Variants in CCDC171 observed in about 807,000 individuals in gnomAD.
The protein encoded by CCDC171 is coiled-coil domain containing 171, also known as coiled-coil domain-containing protein 171.
A neutral mutation model predicts 168.2 loss-of-function variants in CCDC171; 177 were observed. The ratio of observed to expected loss-of-function variants is 1.05; its 90% CI spans 0.93 to 1.19. The LOEUF (loss-of-function observed/expected upper bound fraction) is 1.19, where lower values mean the gene tolerates loss of function less well. Among genes scored for constraint, CCDC171 ranks in the 50% most tolerant of loss-of-function variants. The pLI is 0.00. For missense variants in CCDC171, 1,991 were observed against 1,539.0 expected (o/e 1.29, Z -4.91); for synonymous variants, 687 against 540.8 (o/e 1.27, Z -3.75).
At chr9:16,100,568 A>C in the CCDC171 span, among the ~76,000 whole-genome samples, 1 of 152,184 alleles carries the variant, frequency 6.6e-6, no homozygotes, top group Non-Finnish European at 1.5e-5. Context: ...AGGCCACTTG[A>C]GTGTCCAAAT....
chr9:15,803,995 A>T (rs143880715), intron 21 of CCDC171, among the ~76,000 whole-genome samples: 2 of 151,950 alleles, frequency 1.3e-5, no homozygotes, highest in African/African-American at 4.8e-5. Flanking sequence ...TTTTGTGGCA[A>T]TTGTGAATGG....
chr9:15,777,646 G>T lies in CCDC171; in HGVS notation c.2718G>T (p.Lys906Asn), dbSNP rs2057401268. Reference sequence around the variant, plus strand: ...GACATTTACTCATAGGTGCAGCCAAGAATTCTTTTGCAAAACTCATGGATA... The same window carrying T: ...GACATTTACTCATAGGTGCAGCCAATAATTCTTTTGCAAAACTCATGGATA... ...ICGHLLIGAA[K>N]NSFAKLMDKI... is the part of the protein sequence containing the mutation. Residue 906 changes from lysine to asparagine, a missense_variant, in exon 19 of 26, where the codon AAG (lysine) becomes AAT (asparagine). Lys to Asn is a moderately conservative substitution (Grantham distance 94, BLOSUM62 0). Transcript: ENST00000380701. 2.5e-6 allele frequency: 4 copies of T among 1,613,736 alleles called. No individual in the cohort carries two copies. In the Admixed American group the frequency reaches 5.0e-5, roughly 20 times the overall value.
At chr9:16,062,515 A>G (rs1483004860), downstream of CCDC171, among the ~76,000 whole-genome samples, 2 of 152,196 alleles carry the variant, frequency 1.3e-5, no homozygotes, top group Non-Finnish European at 2.9e-5. Context: ...CAATTTACCC[A>G]TCGAACAAAC....
chr9:15,612,932 T>C (rs139634915), intron 6 of CCDC171, among the ~76,000 whole-genome samples: 1 of 152,316 alleles, frequency 6.6e-6, no homozygotes, highest in East Asian at 1.9e-4. Flanking sequence ...GACAGGATGG[T>C]AGATACTCAA....
chr9:15,919,527 A>G (rs536444882), intron 24 of CCDC171, among the ~76,000 whole-genome samples: 77 of 151,688 alleles, frequency 5.1e-4, no homozygotes, highest in African/African-American at 1.7e-3. Context: ...GCTATATTTG[A>G]GTTATTTTGA....
intron 21 of CCDC171, among the ~76,000 whole-genome samples, chr9:15,807,031 A>C (rs1001284894): frequency 2.0e-5 from 3 of 152,120 alleles, no homozygotes; most frequent in African/African-American, 4.8e-5. Flanking sequence ...TTGTCATTGC[A>C]TTGTGAAATT....
chr9:15,553,067 G>C lies in CCDC171; in HGVS notation c.-347G>C, dbSNP rs932672461. On this transcript the variant is annotated 5_prime_UTR_variant, in exon 1 of 26. Coordinates refer to ENST00000380701, the MANE Select transcript of CCDC171 (RefSeq NM_173550.4). ...TGAAAGTCTGGGAAGGTCTGCGAGA[G>C]AAGCGGAGTGTTTTCAGCTCCGGAA... 6.6e-6 allele frequency: 1 copy of C among 152,514 alleles called. No homozygotes were observed. Among genetic ancestry groups the C allele is most frequent in the Non-Finnish European group, 1.5e-5 (1 of 68,258 alleles). 9.4% of individuals were successfully genotyped at this position (152,514 alleles called of 1,614,324 possible).
intron 8 of CCDC171, among the ~76,000 whole-genome samples, chr9:15,661,887 A>T (rs2048349556): frequency 6.6e-6 from 1 of 152,246 alleles, no homozygotes; most frequent in Non-Finnish European, 1.5e-5. Flanking sequence ...TTGGATTTAG[A>T]CAAAATAACA....
At chr9:15,955,601 C>A (rs1234024743) in intron 25 of CCDC171, among the ~76,000 whole-genome samples, 3 of 152,092 alleles carry the variant, frequency 2.0e-5, no homozygotes, top group Middle Eastern at 3.2e-3. Context: ...TGAAATTAAT[C>A]ATAATTTACT....
intron 25 of CCDC171, among the ~76,000 whole-genome samples, chr9:15,926,167 G>A (rs973752273): frequency 4.0e-5 from 6 of 151,728 alleles, no homozygotes; most frequent in African/African-American, 1.5e-4. Context: ...TCTGAAGAAT[G>A]TATAGCAATT....
intron 11 of CCDC171, among the ~76,000 whole-genome samples, chr9:15,712,545 T>C (rs1364920001): frequency 1.3e-5 from 2 of 152,232 alleles, no homozygotes; most frequent in South Asian, 2.1e-4. Flanking sequence ...TGATGGTGAA[T>C]TAAAGTATTT....
chr9:16,001,298 C>T (rs895557164), intron 3 of CCDC171, among the ~76,000 whole-genome samples: 1 of 151,968 alleles, frequency 6.6e-6, no homozygotes, highest in South Asian at 2.1e-4. Flanking sequence ...AAATGCAGAG[C>T]CTCTCTCTCT....
At chr9:15,773,927 A>G (rs918435958) in intron 18 of CCDC171, among the ~76,000 whole-genome samples, 1 of 152,138 alleles carries the variant, frequency 6.6e-6, no homozygotes, top group Admixed American at 6.5e-5. Context: ...TCTACAAAGA[A>G]CTCAAACAAA....
chr9:15,890,603 C>T lies in CCDC171; in HGVS notation c.3600+15940C>T, dbSNP rs142594917. Among the ~76,000 whole-genome samples the T allele has an allele frequency of 2.4e-3, 356 of 150,048 alleles. 2 individuals carry two copies. The highest frequency in any genetic ancestry group is 8.2e-3 in the African/African-American group (333 of 40,378). ...CTATGGTCTTAGGAGAATTTCATGGCACTCTTATTATTTATTCCTTCACAA... is the reference window on the plus strand; with the variant it reads ...CTATGGTCTTAGGAGAATTTCATGGTACTCTTATTATTTATTCCTTCACAA... On this transcript the variant is annotated intron_variant, in intron 24 of 25. Coordinates refer to ENST00000380701, the MANE Select transcript of CCDC171 (RefSeq NM_173550.4).
rs548252178 is a variant in CCDC171 at position 15,630,339 on chromosome 9, A to G, written c.822+6926A>G. Among the ~76,000 whole-genome samples, 3 of 152,314 alleles carry G rather than the reference A, an allele frequency of 2.0e-5. No homozygotes were observed. The South Asian group carries it at 6.2e-4, about 32-fold the overall frequency. On this transcript the variant is annotated intron_variant, in intron 7 of 25. Transcript: ENST00000380701. ...TAAAAGGATGGAGGAAGATCTACCA[A>G]GCAAATGGAAAATAAAAAAAGGCAG...
chr9:15,596,076 T>A (rs1297282252), intron 6 of CCDC171, among the ~76,000 whole-genome samples: 3 of 152,182 alleles, frequency 2.0e-5, no homozygotes, highest in African/African-American at 7.2e-5. Context: ...TGCAAAAATT[T>A]TCTCCCATTC....
At chr9:15,615,691 C>T (rs1326107284) in intron 6 of CCDC171, among the ~76,000 whole-genome samples, 2 of 151,690 alleles carry the variant, frequency 1.3e-5, no homozygotes, top group African/African-American at 4.8e-5. Flanking sequence ...GAATAGTGGG[C>T]ATACTCTTTG....
chr9:15,650,825 A>G (rs1221932457), intron 7 of CCDC171, among the ~76,000 whole-genome samples: 1 of 152,094 alleles, frequency 6.6e-6, no homozygotes, highest in Non-Finnish European at 1.5e-5. Context: ...TAGGCTATTC[A>G]TCATCTTGAA....
At chr9:15,623,475 G>GCGCA in intron 7 of CCDC171, 62 bp downstream of exon 7, 343 of 315,426 alleles carry the variant, frequency 1.1e-3, no homozygotes, top group Middle Eastern at 4.3e-3. Context: ...GCGCGCGCGC[G>GCGCA]CACACACACA....
Sources: allele counts gnomAD v4.1 joint callset (sites outside exome capture counted in the v4.1 genomes callset), GRCh38; gene constraint gnomAD v4.1.1; transcripts MANE v1.5; gene names NCBI Gene and HGNC (gene_info 2026-07-23, HGNC 2026-07-21).